Variants in MCPH1 observed in about 807,000 individuals in gnomAD.
The protein encoded by MCPH1 is microcephalin.
In MCPH1, 104 loss-of-function variants were observed where a neutral mutation model predicts 84.5. The ratio of observed to expected loss-of-function variants is 1.23; its 90% confidence interval spans 1.05 to 1.45. MCPH1 has a LOEUF of 1.45. MCPH1 is among the 40% of genes most tolerant of loss of function. The probability of loss-of-function intolerance (pLI) is 0.00; values close to 1 mark genes in which losing one functional copy is unlikely to be tolerated. For synonymous variants in MCPH1, 514 were observed against 366.8 expected, an observed-to-expected ratio of 1.40 and a Z score of -4.58; for missense variants, 1,498 against 1,005.7, an observed-to-expected ratio of 1.49 and a Z score of -6.62.
chr8:6,610,585 T>C (rs1388633165), intron 12 of MCPH1, among the ~76,000 whole-genome samples: 1 of 152,198 alleles, frequency 6.6e-6, no homozygotes, highest in African/African-American at 2.4e-5. Flanking sequence ...GCATCTATCT[T>C]CTTTCTTTTT....
At position 6,556,668 on chromosome 8, in the gene MCPH1, C is replaced by T. The variant is rs141215388; in HGVS notation, c.2214+56739C>T. On this transcript the variant is annotated intron_variant, in intron 12 of 13. Transcript: ENST00000344683. Reference sequence around the variant, plus strand: ...TCACTTTGTTGCCCAGGCTGGAGCGCAATGGCACCATCATAGTTCACTGCA... The same window carrying T: ...TCACTTTGTTGCCCAGGCTGGAGCGTAATGGCACCATCATAGTTCACTGCA... Among the ~76,000 whole-genome samples, 27 of 152,072 alleles carry T rather than the reference C, an allele frequency of 1.8e-4. No homozygotes were observed. The East Asian group carries it at 5.2e-3, about 29-fold the overall frequency.
chr8:6,439,191 T>G, intron 6 of MCPH1, 95 bp downstream of exon 6: 2 of 1,254,770 alleles, frequency 1.6e-6, no homozygotes, highest in Non-Finnish European at 2.2e-6. Context: ...TTTTAATGTT[T>G]CCTGGTAGTA....
chr8:6,493,502 T>C (rs1290157689), intron 11 of MCPH1, among the ~76,000 whole-genome samples: 3 of 152,222 alleles, frequency 2.0e-5, no homozygotes, highest in Admixed American at 6.5e-5. Context: ...CTTTATTGCT[T>C]ATCTTCCCTT....
At chr8:6,452,829 T>C (rs908103397) in intron 8 of MCPH1, among the ~76,000 whole-genome samples, 3 of 152,244 alleles carry the variant, frequency 2.0e-5, no homozygotes, top group Non-Finnish European at 2.9e-5. Context: ...TATTTTGTTA[T>C]GGTAGCCCCA....
At chr8:6,454,270 T>C (rs1315408755) in intron 8 of MCPH1, among the ~76,000 whole-genome samples, 1 of 152,262 alleles carries the variant, frequency 6.6e-6, no homozygotes, top group East Asian at 1.9e-4. Context: ...AGTGGGTAGA[T>C]GATTAGCTAT....
At chr8:6,584,105 C>A (rs1827792686) in intron 12 of MCPH1, among the ~76,000 whole-genome samples, 1 of 152,104 alleles carries the variant, frequency 6.6e-6, no homozygotes, top group South Asian at 2.1e-4. Context: ...ACAGTCACTT[C>A]CCAGAAACTT....
At chr8:6,408,118 T>G (rs916460584) in intron 1 of MCPH1, among the ~76,000 whole-genome samples, 1 of 152,224 alleles carries the variant, frequency 6.6e-6, no homozygotes, top group Non-Finnish European at 1.5e-5. Context: ...CGTAAGAATT[T>G]GGGGAAAGCA....
chr8:6,638,721 G>C (rs1235104105), intron 13 of MCPH1, among the ~76,000 whole-genome samples: 2 of 152,100 alleles, frequency 1.3e-5, no homozygotes, highest in Non-Finnish European at 2.9e-5. Flanking sequence ...TTTATGGGAT[G>C]TTTGAGGATT....
At chr8:6,414,121 C>T (rs1563170510) in intron 2 of MCPH1, among the ~76,000 whole-genome samples, 1 of 151,996 alleles carries the variant, frequency 6.6e-6, no homozygotes, top group Non-Finnish European at 1.5e-5. Context: ...AACCTTCTTA[C>T]TTTGTATTTA....
intron 12 of MCPH1, chr8:6,532,297 C>G: frequency 1.2e-6 from 2 of 1,613,440 alleles, no homozygotes; most frequent in Non-Finnish European, 1.7e-6. Flanking sequence ...TCTCTAGCTG[C>G]AGGGACACCG....
chr8:6,639,744 T>C (rs1797805301), intron 13 of MCPH1, among the ~76,000 whole-genome samples: 1 of 152,112 alleles, frequency 6.6e-6, no homozygotes, highest in Admixed American at 6.6e-5. Flanking sequence ...TTTTTATATA[T>C]ATTGGAGAAT....
Position 6,558,333 on chromosome 8 carries a change from C to T in MCPH1, c.2214+58404C>T, listed in dbSNP as rs189062341. 1.3e-3 allele frequency among the ~76,000 whole-genome samples: 193 copies of T among 152,172 alleles called. 1 individual carries two copies. The highest frequency in any genetic ancestry group is 4.5e-3 in the African/African-American group (188 of 41,506). On this transcript the variant is annotated intron_variant, in intron 12 of 13. Transcript: ENST00000344683. Reference sequence around the variant, plus strand: ...TTTAATAGCCTGACATATTTTTTTACCTTGCCCATATCTTACTTTCATAAC... The same window carrying T: ...TTTAATAGCCTGACATATTTTTTTATCTTGCCCATATCTTACTTTCATAAC...
chr8:6,529,816 A>T (rs573444449), intron 12 of MCPH1, among the ~76,000 whole-genome samples: 3 of 151,466 alleles, frequency 2.0e-5, no homozygotes, highest in Non-Finnish European at 4.4e-5. Flanking sequence ...AAAACTGCTT[A>T]CTTTCCATCT....
intron 3 of MCPH1, among the ~76,000 whole-genome samples, chr8:6,428,311 G>A (rs930625794): frequency 6.6e-6 from 1 of 152,040 alleles, no homozygotes; most frequent in Non-Finnish European, 1.5e-5. Context: ...CCTACACAGG[G>A]TTAGGAACAT....
At chr8:6,474,335 G>T in intron 9 of MCPH1, 2 of 436,536 alleles carry the variant, frequency 4.6e-6, no homozygotes, top group East Asian at 4.4e-5. Context: ...GGCTTTCTAT[G>T]ACACGTTTCT....
chr8:6,604,880 T>C (rs1829639310), intron 12 of MCPH1, among the ~76,000 whole-genome samples: 1 of 152,174 alleles, frequency 6.6e-6, no homozygotes, highest in African/African-American at 2.4e-5. Flanking sequence ...TGAAATTAGC[T>C]GGGGGGAAAT....
At chr8:6,513,768 A>C in intron 12 of MCPH1, 1 of 1,614,070 alleles carries the variant, frequency 6.2e-7, no homozygotes, top group Non-Finnish European at 8.5e-7. Flanking sequence ...TATTTTAAGC[A>C]CATAGCGTTG....
Position 6,472,664 on chromosome 8 carries a change from C to T in MCPH1, c.1936-4930C>T, listed in dbSNP as rs923743959. The stretch of plus-strand genomic sequence containing the variant: ...GTATTTTTTAGTAGAGATGGGGTTT[C>T]GCCATGGTGTCCAGGCTGGTCTCGA... On this transcript the variant is annotated intron_variant, in intron 9 of 13. Coordinates refer to ENST00000344683, the MANE Select transcript of MCPH1 (RefSeq NM_024596.5). Among the ~76,000 whole-genome samples, 5 of 152,140 alleles carry T rather than the reference C, an allele frequency of 3.3e-5. No individual in the cohort carries two copies. In the East Asian group the frequency reaches 7.7e-4, roughly 24 times the overall value.
At chr8:6,531,550 C>T (rs1249854593) in intron 12 of MCPH1, among the ~76,000 whole-genome samples, 3 of 152,278 alleles carry the variant, frequency 2.0e-5, no homozygotes, top group Admixed American at 6.5e-5. Context: ...TCTCGGCCTC[C>T]CAAAGTGCTG....
Sources: gnomAD v4.1 joint callset for allele counts (sites outside exome capture counted in the v4.1 genomes callset) on GRCh38, gnomAD v4.1.1 for gene constraint, MANE v1.5 for transcripts, NCBI Gene and HGNC (gene_info 2026-07-23, HGNC 2026-07-21) for gene names.